Variants in OCA2 observed in about 807,000 individuals in gnomAD.
OCA2 encodes P protein.
In OCA2, 77 loss-of-function variants were observed where a neutral mutation model predicts 100.2. The observed-to-expected ratio is 0.77, with a 90% confidence interval of 0.64 to 0.93. The LOEUF (loss-of-function observed/expected upper bound fraction) is 0.93, where lower values mean the gene tolerates loss of function less well. OCA2 is among the 40% of genes least tolerant of loss of function. The pLI is 0.00. For synonymous variants in OCA2, 432 were observed against 439.2 expected (o/e 0.98, Z 0.21); for missense variants, 1,062 against 1,089.1 (o/e 0.98, Z 0.35).
chr15:27,820,241 G>A (rs1237503943), intron 23 of OCA2, among the ~76,000 whole-genome samples: 1 of 152,182 alleles, frequency 6.6e-6, no homozygotes, highest in Non-Finnish European at 1.5e-5. Context: ...GGGGAGCAAA[G>A]CTCCCTACCC....
intron 2 of OCA2, among the ~76,000 whole-genome samples, chr15:28,072,568 C>G (rs553545315): frequency 7.6e-6 from 1 of 132,008 alleles, no homozygotes; most frequent in Non-Finnish European, 1.5e-5. Context: ...CCAGCCTGGG[C>G]GACAGAGCAA....
intron 2 of OCA2, among the ~76,000 whole-genome samples, chr15:28,046,462 C>T (rs1052068229): frequency 1.3e-5 from 2 of 152,126 alleles, no homozygotes; most frequent in African/African-American, 2.4e-5. Context: ...GTTAAGGACA[C>T]ATCAGCCACA....
chr15:27,866,490 G>A (rs1186265693), intron 21 of OCA2, among the ~76,000 whole-genome samples: 1 of 152,200 alleles, frequency 6.6e-6, no homozygotes, highest in Non-Finnish European at 1.5e-5. Context: ...AGTTATTCCA[G>A]GACAATTAAT....
rs75689926 is a variant in OCA2 at position 27,772,567 on chromosome 15, G to A, written c.2433-17095C>T. On this transcript the variant is annotated intron_variant, in intron 23 of 23. Transcript: ENST00000354638. The stretch of plus-strand genomic sequence containing the variant: ...ATAGAAAATGGAGAGAACTGGCCGG[G>A]CACGGTGGCTCACGCCTGTAATCCC... Among the ~76,000 whole-genome samples the A allele has an allele frequency of 6.5e-3, 986 of 152,248 alleles. 8 individuals are homozygous for A. The highest frequency in any genetic ancestry group is 0.022 in the African/African-American group (921 of 41,530).
intron 2 of OCA2, among the ~76,000 whole-genome samples, chr15:28,053,293 G>A (rs573401673): frequency 2.6e-5 from 4 of 152,276 alleles, no homozygotes; most frequent in Non-Finnish European, 4.4e-5. Context: ...AGACAGCCAC[G>A]TTCACCTTCA....
chr15:28,080,805 A>T (rs532714072), intron 2 of OCA2, among the ~76,000 whole-genome samples: 1 of 152,394 alleles, frequency 6.6e-6, no homozygotes, highest in South Asian at 2.1e-4. Flanking sequence ...TTTTCTCATT[A>T]CAAGGACATC....
the OCA2 span, among the ~76,000 whole-genome samples, chr15:27,746,364 A>C: frequency 8.3e-4 from 127 of 152,206 alleles, no homozygotes; most frequent in Middle Eastern, 6.8e-3. Context: ...GGGAGGCTGA[A>C]ACAGGAGAAT....
At chr15:28,024,424 G>C (rs1324921462) in intron 5 of OCA2, among the ~76,000 whole-genome samples, 1 of 152,206 alleles carries the variant, frequency 6.6e-6, no homozygotes, top group African/African-American at 2.4e-5. Flanking sequence ...ACTTACCGCT[G>C]GGCAGAGGCC....
At position 27,957,750 on chromosome 15, in the gene OCA2, A is replaced by G. The variant is rs764409716; in HGVS notation, c.1637-15T>C. ...GTGCTTCAGTTCTGCAGAGAAAGGA[A>G]GGCGAAGCTTGGGTCTCCCATGACC... is the stretch of plus-strand genomic sequence containing the variant. On this transcript the variant is annotated splice_polypyrimidine_tract_variant and intron_variant, in intron 15 of 23. Transcript: ENST00000354638. This position sits in a 1 kb window ranked among gnomAD's most constrained non-coding sequence, Gnocchi z 4.3. 4 of 1,613,100 alleles carry G rather than the reference A, an allele frequency of 2.5e-6. No individual in the cohort carries two copies. Among genetic ancestry groups the G allele is most frequent in the Admixed American group, 3.3e-5 (2 of 60,028 alleles).
In OCA2 at chr15:27,984,653, C is replaced by T. The variant is rs539939904; in HGVS notation, c.1364+411G>A. On this transcript the variant is annotated intron_variant, in intron 13 of 23. Transcript: ENST00000354638. ...TCAGCTCACTGCAACCTCCGCCTCC[C>T]GGGTTCAAGGGATTCTCCTGCCTCA... Among the ~76,000 whole-genome samples the T allele has an allele frequency of 4.6e-5, 7 of 152,258 alleles. No homozygotes were observed. The South Asian group carries it at 1.2e-3, about 27-fold the overall frequency.
chr15:27,796,138 C>T (rs2033320276), intron 23 of OCA2, among the ~76,000 whole-genome samples: 1 of 152,242 alleles, frequency 6.6e-6, no homozygotes, highest in East Asian at 1.9e-4. Context: ...CTGATTCACA[C>T]ATCTACTCTC....
intron 2 of OCA2, among the ~76,000 whole-genome samples, chr15:28,061,288 C>T (rs976597507): frequency 3.9e-5 from 6 of 152,142 alleles, no homozygotes; most frequent in Admixed American, 3.3e-4. Flanking sequence ...ACTTAATGGT[C>T]CCAGCCCTTA....
At chr15:27,844,209 G>A (rs76999548) in intron 23 of OCA2, among the ~76,000 whole-genome samples, 58 of 152,256 alleles carry the variant, frequency 3.8e-4, no homozygotes, top group African/African-American at 1.0e-3. Context: ...CGCCCCCACC[G>A]AGGGCCTCAT....
chr15:27,810,385 A>G (rs1336036220), intron 23 of OCA2, among the ~76,000 whole-genome samples: 1 of 152,230 alleles, frequency 6.6e-6, no homozygotes, highest in African/African-American at 2.4e-5. Context: ...TAAATCTAAG[A>G]TGTGAAATCA....
chr15:28,063,180 C>A (rs910108487), intron 2 of OCA2, among the ~76,000 whole-genome samples: 6 of 152,130 alleles, frequency 3.9e-5, no homozygotes, highest in African/African-American at 1.2e-4. Flanking sequence ...TCTCTAGTAA[C>A]AATTTTTGTC....
intron 12 of OCA2, among the ~76,000 whole-genome samples, chr15:27,985,945 G>A (rs1482286834): frequency 6.6e-6 from 1 of 152,168 alleles, no homozygotes; most frequent in Non-Finnish European, 1.5e-5. Context: ...CCCACCTTGG[G>A]CTCCCAAAGT....
chr15:28,094,283 A>T (rs940550227), intron 1 of OCA2, among the ~76,000 whole-genome samples: 2 of 152,130 alleles, frequency 1.3e-5, no homozygotes, highest in Admixed American at 1.3e-4. Flanking sequence ...TCTCACGGGA[A>T]CCACAGCTTC....
At chr15:28,077,769 A>T (rs917250093) in intron 2 of OCA2, among the ~76,000 whole-genome samples, 1 of 152,236 alleles carries the variant, frequency 6.6e-6, no homozygotes, top group Non-Finnish European at 1.5e-5. Context: ...AAAAAACCAC[A>T]CAAACATGGG....
At chr15:27,745,981 T>C in the OCA2 span, among the ~76,000 whole-genome samples, 1 of 152,220 alleles carries the variant, frequency 6.6e-6, no homozygotes, top group Non-Finnish European at 1.5e-5. Context: ...CACGTATTGC[T>C]TGACGTCTGC....
Sources: gnomAD v4.1 joint callset for allele counts (sites outside exome capture counted in the v4.1 genomes callset) on GRCh38, gnomAD v4.1.1 for gene constraint, Gnocchi (gnomAD v3.1) non-coding constraint, MANE v1.5 for transcripts, NCBI Gene and HGNC (gene_info 2026-07-23, HGNC 2026-07-21) for gene names.